Variants in SCNN1D observed in about 807,000 individuals in gnomAD.
The protein encoded by SCNN1D is sodium channel epithelial 1 subunit delta.
A neutral mutation model predicts 87.8 loss-of-function variants in SCNN1D; 104 were observed. The ratio of observed to expected loss-of-function variants is 1.18; its 90% CI spans 1.01 to 1.39. The LOEUF is 1.39. SCNN1D is among the 40% of genes most tolerant of loss of function. The pLI, the probability that SCNN1D is intolerant of heterozygous loss-of-function variation, is 0.00. For missense variants in SCNN1D, 1,324 were observed against 1,093.9 expected (o/e 1.21, Z -2.97); for synonymous variants, 628 against 481.2 (o/e 1.31, Z -3.99).
Position 1,286,932 on chromosome 1 carries a change from G to A in SCNN1D, c.1076G>A (p.Arg359Lys), listed in dbSNP as rs367727890. 39 of 1,612,368 alleles carry A rather than the reference G, an allele frequency of 2.4e-5. No individual in the cohort carries two copies. The highest frequency in any genetic ancestry group is 3.1e-5 in the Non-Finnish European group (37 of 1,179,852). Residue 359 changes from arginine (R) to lysine (K), a missense_variant, in exon 8 of 18, where the codon AGG becomes AAG. Transcript: ENST00000379116. ...CTGGACCGGGAGATCCGTCTGCAGA[G>A]GCTGAGCCACTCGGGCAGCCGGGTC... ...FHLDREIRLQ[R>K]LSHSGSRVRV...
chr1:1,288,268 C>T (rs1344140088), intron 12 of SCNN1D, among the ~76,000 whole-genome samples: 4 of 101,852 alleles, frequency 3.9e-5, no homozygotes, highest in Non-Finnish European at 6.9e-5. Context: ...CGTGTCTCTG[C>T]TCCGTCCCCC....
At position 1,291,772 on chromosome 1, in the gene SCNN1D, C is replaced by T. The variant is rs1640827169; in HGVS notation, c.*162C>T. 1.9e-6 allele frequency: 1 copy of T among 528,202 alleles called. No individual in the cohort carries two copies. Among genetic ancestry groups the T allele is most frequent in the Admixed American group, 3.6e-5 (1 of 27,434 alleles). 32.7% of individuals were successfully genotyped at this position (528,202 alleles called of 1,614,324 possible). ...GGGCATGTCGGCGCCTCTGGTCAAACCACCTACACTGCCTGGGGTGGGTCT... is the reference window on the plus strand; with the variant it reads ...GGGCATGTCGGCGCCTCTGGTCAAATCACCTACACTGCCTGGGGTGGGTCT... On this transcript the variant is annotated 3_prime_UTR_variant, in exon 18 of 18. Coordinates refer to ENST00000379116, the MANE Select transcript of SCNN1D (RefSeq NM_001130413.4).
chr1:1,281,661 G>A, intron 3 of SCNN1D, 51 bp downstream of exon 3: 8 of 1,483,394 alleles, frequency 5.4e-6, no homozygotes, highest in East Asian at 2.5e-5. Flanking sequence ...GGGGAGGGGG[G>A]TGGAGCCGGG....
chr1:1,283,406 TG>T, intron 4 of SCNN1D, among the ~76,000 whole-genome samples: 1 of 152,162 alleles, frequency 6.6e-6, no homozygotes, highest in South Asian at 2.1e-4. Flanking sequence ...CAGAGAAAGA[TG>T]GGGCTTCTGG....
At chr1:1,286,403 C>G (rs767390385) in intron 7 of SCNN1D, 125 bp downstream of exon 7, 1 of 781,798 alleles carries the variant, frequency 1.3e-6, no homozygotes, top group Non-Finnish European at 2.0e-6. Flanking sequence ...CAATGCCACC[C>G]TCCTGGTCAC....
intron 12 of SCNN1D, 132 bp from the exon 13 acceptor site, chr1:1,290,139 T>C (rs1483497479): frequency 6.4e-6 from 3 of 467,826 alleles, no homozygotes; most frequent in Non-Finnish European, 1.1e-5. Context: ...CCCGTGTCTC[T>C]GCTCCGTCCC....
At chr1:1,287,467 GC>G (rs776214408) in intron 9 of SCNN1D, 40 bp from the exon 10 acceptor site, 855 of 1,507,972 alleles carry the variant, frequency 5.7e-4, no homozygotes, top group Non-Finnish European at 7.2e-4. Context: ...ACGGGCGCGG[GC>G]AGCCGACATT....
chr1:1,284,795 GTC>G (rs912959200), intron 5 of SCNN1D, among the ~76,000 whole-genome samples: 6 of 152,232 alleles, frequency 3.9e-5, no homozygotes, highest in African/African-American at 1.2e-4. Context: ...GTGTAGTCCT[GTC>G]TCACACACAC....
intron 3 of SCNN1D, 113 bp downstream of exon 3, chr1:1,281,723 C>G (rs1000078457): frequency 2.0e-6 from 2 of 993,640 alleles, no homozygotes; most frequent in Non-Finnish European, 2.9e-6. Flanking sequence ...GCAGGGCATA[C>G]GGGTCATGGA....
At chr1:1,288,216 CCG>C (rs1640656319) in intron 12 of SCNN1D, among the ~76,000 whole-genome samples, 179 bp downstream of exon 12, 1 of 145,308 alleles carries the variant, frequency 6.9e-6, no homozygotes, top group Non-Finnish European at 1.5e-5. Context: ...TGTCTCTGCT[CCG>C]TCCCGTGTCT....
At position 1,288,203 on chromosome 1, in the gene SCNN1D, C is replaced by CCG. The variant is rs1491356551; in HGVS notation, c.1662+166_1662+167insCG. On this transcript the variant is annotated intron_variant, in intron 12 of 17. Transcript: ENST00000379116. ...ATCCCCCGTGTCCCCGCTCCATTCC[C>CCG]TGTGTCTCTGCTCCGTCCCGTGTCT... Among the ~76,000 whole-genome samples, 127 of 150,696 alleles carry CCG rather than the reference C, an allele frequency of 8.4e-4. 5 individuals carry two copies. Among genetic ancestry groups the CCG allele is most frequent in the Non-Finnish European group, 8.7e-4 (59 of 67,624 alleles).
Position 1,287,968 on chromosome 1 carries a change from C to T in SCNN1D, c.1593C>T (p.Tyr531=), listed in dbSNP as rs370866963. 1,162 of 1,546,800 alleles carry T rather than the reference C, an allele frequency of 7.5e-4. 4 individuals carry two copies. The African/African-American group carries it at 0.011, about 15-fold the overall frequency. Residue 531 remains tyrosine, a synonymous_variant, in exon 12 of 18, where the codon TAC becomes TAT. Transcript: ENST00000379116. ...EDEVHRLGSP[Y]GHCTAGGEGV... Reference sequence around the variant, plus strand: ...AGGTGCACCGGCTCGGGAGCCCCTACGGCCACTGCACCGCCGGCGGGGAAG... The same window carrying T: ...AGGTGCACCGGCTCGGGAGCCCCTATGGCCACTGCACCGCCGGCGGGGAAG...
intron 4 of SCNN1D, among the ~76,000 whole-genome samples, chr1:1,282,957 T>C (rs148053348): frequency 5.3e-5 from 8 of 152,202 alleles, no homozygotes; most frequent in African/African-American, 1.9e-4. Context: ...TTTCACCGTG[T>C]TAGGCAGGAT....
At chr1:1,288,089 G>A (rs1435562967) in intron 12 of SCNN1D, 52 bp downstream of exon 12, 5 of 1,289,526 alleles carry the variant, frequency 3.9e-6, no homozygotes, top group African/African-American at 1.5e-5. Flanking sequence ...GGGCTGGCCA[G>A]GGGGTGTGGG....
intron 5 of SCNN1D, among the ~76,000 whole-genome samples, chr1:1,284,292 C>T (rs1640537687): frequency 1.3e-5 from 1 of 78,916 alleles, no homozygotes; most frequent in Admixed American, 1.5e-4. Context: ...CTCGAGGTAC[C>T]GTGGGGGGAT....
chr1:1,286,487 C>G (rs957804714), intron 7 of SCNN1D, among the ~76,000 whole-genome samples: 1 of 152,172 alleles, frequency 6.6e-6, no homozygotes, highest in South Asian at 2.1e-4. Context: ...GTGGTCACTG[C>G]CCCCTGGAGG....
Position 1,284,047 on chromosome 1 carries a change from A to T in SCNN1D, c.421A>T (p.Thr141Ser). ...PPQWLSTEAW[T>S]GEWKQPHGGA... ...GCAATGGCTGAGCACCGAAGCATGGACGGGAGAATGGAAGCAGCCACACGG... is the reference window on the plus strand; with the variant it reads ...GCAATGGCTGAGCACCGAAGCATGGTCGGGAGAATGGAAGCAGCCACACGG... The change falls in exon 5 of 18, where the codon ACG becomes TCG. Residue 141 changes from threonine to serine, a missense_variant. By Grantham distance (58) the Thr-to-Ser change is moderately conservative. Transcript: ENST00000379116. 1 of 1,321,720 alleles carries T rather than the reference A, an allele frequency of 7.6e-7. No homozygotes were observed. Among genetic ancestry groups the T allele is most frequent in the Non-Finnish European group, 9.6e-7 (1 of 1,040,406 alleles). 81.9% of individuals were successfully genotyped at this position (1,321,720 alleles called of 1,614,324 possible).
At position 1,291,747 on chromosome 1, in the gene SCNN1D, G is replaced by A. The variant is rs570258015; in HGVS notation, c.*137G>A. ...ACGCGGCCGTGGGGAGGCAGGCACC[G>A]GGCATGTCGGCGCCTCTGGTCAAAC... On this transcript the variant is annotated 3_prime_UTR_variant, in exon 18 of 18. Transcript: ENST00000379116. 1.1e-4 allele frequency: 70 copies of A among 609,446 alleles called. 1 individual carries two copies. The highest frequency in any genetic ancestry group is 1.5e-4 in the African/African-American group (8 of 52,642). The allele number at this position is 609,446 out of a possible 1,614,324, so 37.8% of individuals were successfully genotyped here. A position where few individuals can be genotyped will look rare whatever the true frequency, so the allele number is the denominator to read the frequency against.
chr1:1,289,507 TCC>T (rs1331713150), intron 12 of SCNN1D, among the ~76,000 whole-genome samples: 3 of 2,948 alleles, frequency 1.0e-3, no homozygotes, highest in East Asian at 0.038. Context: ...CTCTGCTCCG[TCC>T]CCCGTGTCTG....
Sources: allele counts gnomAD v4.1 joint callset (sites outside exome capture counted in the v4.1 genomes callset), GRCh38; gene constraint gnomAD v4.1.1; transcripts MANE v1.5; gene names NCBI Gene and HGNC (gene_info 2026-07-23, HGNC 2026-07-21).